The following SMPD4 variants were observed in gnomAD, a reference collection of about 807,000 sequenced individuals.
The protein encoded by SMPD4 is sphingomyelin phosphodiesterase 4, also known as neutral sphingomyelinase 3.
A neutral mutation model predicts 97.8 loss-of-function variants in SMPD4; 58 were observed. That is an observed-to-expected ratio of 0.59 (90% CI 0.48 to 0.74). SMPD4 has a LOEUF of 0.74. Among genes scored for constraint, SMPD4 ranks in the 30% least tolerant of loss-of-function variants. The pLI is 0.00. For missense variants in SMPD4, 853 were observed against 1,080.5 expected (o/e 0.79, Z 2.95); for synonymous variants, 388 against 450.0 (o/e 0.86, Z 1.74).
At chr2:130,172,181 C>A (rs1340934387) in intron 8 of SMPD4, among the ~76,000 whole-genome samples, 168 bp downstream of exon 8, 2 of 152,242 alleles carry the variant, frequency 1.3e-5, no homozygotes, top group Non-Finnish European at 2.9e-5. Flanking sequence ...GATTGCCCGC[C>A]ATACCCCACC....
At chr2:130,160,595 C>G (rs1320837499) in intron 11 of SMPD4, among the ~76,000 whole-genome samples, 2 of 152,340 alleles carry the variant, frequency 1.3e-5, no homozygotes, top group East Asian at 1.9e-4. Context: ...GCGGCCAGGG[C>G]TCCCCAGGTG....
At chr2:130,161,815 G>A (rs2599764) in intron 10 of SMPD4, among the ~76,000 whole-genome samples, 2 of 152,218 alleles carry the variant, frequency 1.3e-5, no homozygotes, top group Admixed American at 6.5e-5. Context: ...TCCAGGAGGA[G>A]CACTCTGCCC....
intron 8 of SMPD4, 60 bp from the exon 9 acceptor site, chr2:130,167,650 G>GT: frequency 6.5e-7 from 1 of 1,527,658 alleles, no homozygotes; most frequent in Non-Finnish European, 8.8e-7. Flanking sequence ...CGCTCCCGCT[G>GT]TAACAGGGGC....
upstream of SMPD4, chr2:130,181,684 G>T (rs956576165): frequency 1.3e-6 from 2 of 1,548,370 alleles, no homozygotes; most frequent in African/African-American, 2.7e-5. Context: ...AAAGGCGCGT[G>T]CGCAAAGCGA....
At chr2:130,165,232 C>T (rs1239043944) in intron 9 of SMPD4, among the ~76,000 whole-genome samples, 1 of 151,556 alleles carries the variant, frequency 6.6e-6, no homozygotes, top group Non-Finnish European at 1.5e-5. Context: ...ACCAGCCTGA[C>T]CCAACATGGA....
At chr2:130,170,046 A>C (rs796567900) in intron 8 of SMPD4, among the ~76,000 whole-genome samples, 17,057 of 129,786 alleles carry the variant, frequency 0.13, no homozygotes, top group East Asian at 0.42. Context: ...GCAAAAAAAA[A>C]AAAAAAAGTT....
chr2:130,172,004 A>G (rs1196457145), intron 8 of SMPD4, among the ~76,000 whole-genome samples: 2 of 151,702 alleles, frequency 1.3e-5, no homozygotes, highest in Non-Finnish European at 1.5e-5. Flanking sequence ...AGAGATTCCT[A>G]TTTTTTTTGC....
rs1322656485 is a variant in SMPD4 at position 130,155,269 on chromosome 2, G to A, written c.1290-10C>T. The A allele has an allele frequency of 8.7e-6, 14 of 1,613,810 alleles. 1 individual carries two copies. The South Asian group carries it at 8.8e-5, about 10-fold the overall frequency. Reference sequence around the variant, plus strand: ...CTGGACAAAGGGTGCCCTGGGGACCGAGGTGGCAGGTTGGGGCCAGCCTTC... The same window carrying A: ...CTGGACAAAGGGTGCCCTGGGGACCAAGGTGGCAGGTTGGGGCCAGCCTTC... On this transcript the variant is annotated splice_polypyrimidine_tract_variant and intron_variant, in intron 14 of 19. Coordinates refer to ENST00000680298, the MANE Select transcript of SMPD4 (RefSeq NM_017951.5).
chr2:130,179,122 CTTTTT>C (rs772317420), intron 1 of SMPD4, among the ~76,000 whole-genome samples: 2 of 133,878 alleles, frequency 1.5e-5, no homozygotes, highest in Non-Finnish European at 1.6e-5. Flanking sequence ...TTTTTCAATT[CTTTTT>C]TTTTTTTTTT....
intron 12 of SMPD4, 72 bp from the exon 13 acceptor site, chr2:130,156,747 T>C: frequency 6.4e-7 from 1 of 1,568,436 alleles, no homozygotes; most frequent in Non-Finnish European, 8.6e-7. Context: ...ACCCCAGGGC[T>C]CCCATCAGTG....
At chr2:130,180,258 C>T (rs1181464644) in intron 1 of SMPD4, among the ~76,000 whole-genome samples, 1 of 151,448 alleles carries the variant, frequency 6.6e-6, no homozygotes, top group Non-Finnish European at 1.5e-5. Flanking sequence ...CCACTGCGCC[C>T]GGCCAGCTTT....
At chr2:130,165,119 A>G (rs1197813526) in intron 9 of SMPD4, among the ~76,000 whole-genome samples, 2 of 147,890 alleles carry the variant, frequency 1.4e-5, no homozygotes, top group African/African-American at 5.0e-5. Context: ...AAAAAAAAAA[A>G]AAAAAAAAAA....
chr2:130,179,122 CTTTTTTTTTT>C (rs772317420), intron 1 of SMPD4, among the ~76,000 whole-genome samples: 2 of 133,880 alleles, frequency 1.5e-5, no homozygotes, highest in Non-Finnish European at 3.2e-5. Flanking sequence ...TTTTTCAATT[CTTTTTTTTTT>C]TTTTTTTTTG....
intron 8 of SMPD4, among the ~76,000 whole-genome samples, chr2:130,168,674 T>G (rs954131701): frequency 2.0e-5 from 3 of 152,004 alleles, no homozygotes; most frequent in Non-Finnish European, 4.4e-5. Context: ...GTTTTTCTTT[T>G]TAGTAGAAAC....
At chr2:130,181,501 G>T (rs779221382) in intron 1 of SMPD4, 29 bp downstream of exon 1, 6 of 1,586,910 alleles carry the variant, frequency 3.8e-6, no homozygotes, top group Non-Finnish European at 5.1e-6. Context: ...GCGCCGGACC[G>T]TCTCAGGCGC....
intron 9 of SMPD4, among the ~76,000 whole-genome samples, chr2:130,165,434 A>AG (rs1053384362): frequency 2.0e-5 from 3 of 151,974 alleles, no homozygotes; most frequent in Admixed American, 2.0e-4. Flanking sequence ...CTCAAAAAAA[A>AG]AACAAAAAAA....
intron 1 of SMPD4, chr2:130,181,179 G>A (rs1487020208): frequency 2.2e-6 from 2 of 914,730 alleles, no homozygotes; most frequent in African/African-American, 1.8e-5. Flanking sequence ...GGTCGAGCTG[G>A]GACCCACACC....
At chr2:130,157,079 C>T (rs538463418) in intron 12 of SMPD4, among the ~76,000 whole-genome samples, 172 bp downstream of exon 12, 10 of 152,108 alleles carry the variant, frequency 6.6e-5, no homozygotes, top group African/African-American at 1.9e-4. Flanking sequence ...GCCAACTGGG[C>T]GGGGTGAGAG....
intron 3 of SMPD4, among the ~76,000 whole-genome samples, chr2:130,174,332 C>T (rs1057352808): frequency 1.3e-5 from 2 of 152,166 alleles, no homozygotes; most frequent in African/African-American, 2.4e-5. Context: ...ATTCTTTAAA[C>T]AGTGATGGAA....
Sources: gnomAD v4.1 joint callset for allele counts (sites outside exome capture counted in the v4.1 genomes callset) on GRCh38, gnomAD v4.1.1 for gene constraint, MANE v1.5 for transcripts, NCBI Gene and HGNC (gene_info 2026-07-23, HGNC 2026-07-21) for gene names.